TATDN1: variants seen among roughly 807,000 people sequenced by gnomAD.
TATDN1 encodes deoxyribonuclease TATDN1.
TATDN1 carries 40 observed loss-of-function variants against 46.4 expected under a neutral mutation model. The ratio of observed to expected loss-of-function variants is 0.86; its 90% CI spans 0.67 to 1.12. The LOEUF (loss-of-function observed/expected upper bound fraction) is 1.12. Ranked by LOEUF, TATDN1 falls within the 50% of genes most tolerant of loss-of-function variation. The probability of loss-of-function intolerance (pLI) is 0.00; values close to 1 mark genes in which losing one functional copy is unlikely to be tolerated. For missense variants in TATDN1, 326 were observed against 348.4 expected (o/e 0.94, Z 0.51); for synonymous variants, 95 against 105.6 (o/e 0.90, Z 0.62).
chr8:124,508,540 T>C, intron 7 of TATDN1, 26 bp from the exon 8 acceptor site: 3 of 1,612,054 alleles, frequency 1.9e-6, no homozygotes, highest in East Asian at 2.2e-5. Context: ...AAAGAACTTT[T>C]AGCAAATAGC....
At chr8:124,517,616 G>A (rs1819600465) in intron 4 of TATDN1, among the ~76,000 whole-genome samples, 1 of 151,974 alleles carries the variant, frequency 6.6e-6, no homozygotes, top group African/African-American at 2.4e-5. Flanking sequence ...GTAAGATAAT[G>A]CAAAAAAAAG....
Position 124,516,035 on chromosome 8 carries a change from C to T in TATDN1, c.203-5G>A. On this transcript the variant is annotated splice_polypyrimidine_tract_variant and splice_region_variant and intron_variant, in intron 4 of 11. Coordinates refer to ENST00000276692, the MANE Select transcript of TATDN1 (RefSeq NM_032026.4). Reference sequence around the variant, plus strand: ...CAACTGTACTGAAAAACATACCTAACAGAAAATAATGTCTTAGGATTATTT... The same window carrying T: ...CAACTGTACTGAAAAACATACCTAATAGAAAATAATGTCTTAGGATTATTT... The T allele has an allele frequency of 6.3e-7, 1 of 1,595,340 alleles. No homozygotes were observed. Among genetic ancestry groups the T allele is most frequent in the East Asian group, 2.2e-5 (1 of 44,558 alleles).
At chr8:124,502,209 C>T (rs925866326) in intron 9 of TATDN1, among the ~76,000 whole-genome samples, 2 of 151,808 alleles carry the variant, frequency 1.3e-5, no homozygotes, top group African/African-American at 2.4e-5. Context: ...GGTGTAGTGG[C>T]GGGCACCTGT....
intron 9 of TATDN1, among the ~76,000 whole-genome samples, chr8:124,499,921 T>C (rs1342776816): frequency 6.6e-6 from 1 of 151,138 alleles, no homozygotes. Flanking sequence ...TTCGGCTCAC[T>C]GAAACCTCCG....
chr8:124,537,851 T>C (rs1473922453), intron 1 of TATDN1, among the ~76,000 whole-genome samples: 3 of 152,148 alleles, frequency 2.0e-5, no homozygotes, highest in African/African-American at 7.2e-5. Flanking sequence ...TCCCCTGCAT[T>C]TGCTTTTGAC....
At position 124,516,045 on chromosome 8, in the gene TATDN1, T is replaced by A. The variant is rs1457915554; in HGVS notation, c.203-15A>T. ...GAAAAACATACCTAACAGAAAATAA[T>A]GTCTTAGGATTATTTTCAAAGTATT... On this transcript the variant is annotated splice_polypyrimidine_tract_variant and intron_variant, in intron 4 of 11. Coordinates refer to ENST00000276692, the MANE Select transcript of TATDN1 (RefSeq NM_032026.4). The A allele has an allele frequency of 2.5e-6, 4 of 1,572,812 alleles. No individual in the cohort carries two copies. Among genetic ancestry groups the A allele is most frequent in the Non-Finnish European group, 3.4e-6 (4 of 1,162,486 alleles).
intron 11 of TATDN1, among the ~76,000 whole-genome samples, chr8:124,493,545 T>C (rs561946249): frequency 6.6e-6 from 1 of 152,354 alleles, no homozygotes; most frequent in East Asian, 1.9e-4. Flanking sequence ...GTTCTGAGGC[T>C]TAAAGAAATG....
intron 9 of TATDN1, among the ~76,000 whole-genome samples, chr8:124,497,700 C>T (rs1817601366): frequency 1.3e-5 from 2 of 152,132 alleles, no homozygotes; most frequent in African/African-American, 4.8e-5. Flanking sequence ...GATCTTTCAT[C>T]CACAGGCATA....
intron 1 of TATDN1, chr8:124,526,536 T>C (rs868044857): frequency 2.0e-5 from 3 of 152,136 alleles, no homozygotes; most frequent in Non-Finnish European, 4.4e-5. Context: ...AAGTGGAAAA[T>C]TGCTACTTCT....
intron 1 of TATDN1, among the ~76,000 whole-genome samples, chr8:124,524,922 A>G (rs942745272): frequency 3.9e-5 from 6 of 152,066 alleles, no homozygotes; most frequent in African/African-American, 1.4e-4. Flanking sequence ...GGGGGAAATG[A>G]GGGATGAGAA....
chr8:124,504,515 A>G (rs999252629), intron 8 of TATDN1, 168 bp from the exon 9 acceptor site: 12 of 422,774 alleles, frequency 2.8e-5, no homozygotes, highest in Middle Eastern at 6.4e-4. Context: ...TATTTTTCAC[A>G]ATTACAACCT....
intron 11 of TATDN1, chr8:124,489,121 T>C: frequency 5.9e-6 from 1 of 170,592 alleles, no homozygotes; most frequent in Non-Finnish European, 1.2e-5. Flanking sequence ...ATTATGTATG[T>C]GTGTCCTAAG....
At position 124,488,708 on chromosome 8, in the gene TATDN1, CA is replaced by C; in HGVS notation, c.792-13del. 2 of 1,474,240 alleles carry C rather than the reference CA, an allele frequency of 1.4e-6. No homozygotes were observed. Among genetic ancestry groups the C allele is most frequent in the Non-Finnish European group, 1.9e-6 (2 of 1,056,900 alleles). The allele number at this position is 1,474,240 out of a possible 1,614,324, so 91.3% of individuals were successfully genotyped here. A position where few individuals can be genotyped will look rare whatever the true frequency, so the allele number is the denominator to read the frequency against. ...TCTCCAATATTTGACTAAAACAAAA[CA>C]AAAACAAAAATGGTTAAATCTCCAA... On this transcript the variant is annotated splice_polypyrimidine_tract_variant and intron_variant, in intron 11 of 11. Transcript: ENST00000276692.
At chr8:124,507,160 C>T (rs1174445306) in intron 8 of TATDN1, among the ~76,000 whole-genome samples, 1 of 132,082 alleles carries the variant, frequency 7.6e-6, no homozygotes, top group Non-Finnish European at 1.6e-5. Flanking sequence ...GACTCCATCT[C>T]AAAAAAAAAA....
intron 8 of TATDN1, 105 bp downstream of exon 8, chr8:124,508,369 T>G (rs920083805): frequency 1.3e-5 from 12 of 924,010 alleles, no homozygotes; most frequent in Non-Finnish European, 2.0e-5. Context: ...CTCATGCCAG[T>G]GCTTAAAAAG....
chr8:124,488,754 G>T (rs1816632744), intron 11 of TATDN1, 58 bp from the exon 12 acceptor site: 3 of 1,001,606 alleles, frequency 3.0e-6, no homozygotes, highest in Non-Finnish European at 3.2e-6. Context: ...TAGTTCTAAA[G>T]CTATATAATA....
At chr8:124,515,652 A>G in intron 6 of TATDN1, 94 bp downstream of exon 6, 1 of 1,241,618 alleles carries the variant, frequency 8.1e-7, no homozygotes, top group Non-Finnish European at 1.1e-6. Context: ...AAATATCCTC[A>G]TGCTTAATCC....
intron 11 of TATDN1, chr8:124,489,403 C>CTTTTTTTTTTT (rs11443180): frequency 5.5e-5 from 8 of 146,724 alleles, no homozygotes; most frequent in Non-Finnish European, 4.5e-5. Flanking sequence ...TCTTTCCTTT[C>CTTTTTTTTTTT]TTTTTTTTTT....
intron 10 of TATDN1, 147 bp downstream of exon 10, chr8:124,495,325 G>T: frequency 1.5e-6 from 1 of 656,666 alleles, no homozygotes; most frequent in East Asian, 2.9e-5. Context: ...AACCCCCAAA[G>T]ATCTTCTGGA....
Sources: allele counts gnomAD v4.1 joint callset (sites outside exome capture counted in the v4.1 genomes callset), GRCh38; gene constraint gnomAD v4.1.1; transcripts MANE v1.5; gene names NCBI Gene and HGNC (gene_info 2026-07-23, HGNC 2026-07-21).